SYMPK: variants seen among roughly 807,000 people sequenced by gnomAD.
SYMPK encodes the protein symplekin scaffold protein.
A neutral mutation model predicts 136.4 loss-of-function variants in SYMPK; 49 were observed. That is an observed-to-expected ratio of 0.36 (90% CI 0.29 to 0.46). SYMPK has a LOEUF of 0.46. SYMPK is among the 20% of genes least tolerant of loss of function. SYMPK has a pLI of 1.00. For synonymous variants in SYMPK, 766 were observed against 713.0 expected (o/e 1.07, Z -1.19); for missense variants, 1,365 against 1,690.0 (o/e 0.81, Z 3.37).
At chr19:45,857,126 A>C (rs562497884) in intron 1 of SYMPK, among the ~76,000 whole-genome samples, 1 of 151,616 alleles carries the variant, frequency 6.6e-6, no homozygotes, top group African/African-American at 2.4e-5. Flanking sequence ...AAACAAAACA[A>C]GGCTGGGTGC....
intron 18 of SYMPK, among the ~76,000 whole-genome samples, chr19:45,824,487 C>T (rs1182064810): frequency 1.3e-5 from 2 of 152,166 alleles, no homozygotes; most frequent in Non-Finnish European, 2.9e-5. Context: ...TGTTTCCTCC[C>T]AACTACAAGC....
chr19:45,849,857 C>T (rs983339095), intron 5 of SYMPK, among the ~76,000 whole-genome samples: 9 of 151,874 alleles, frequency 5.9e-5, no homozygotes, highest in Non-Finnish European at 1.0e-4. Flanking sequence ...ACCAGCTTGA[C>T]CAACGTGGTG....
At chr19:45,848,411 C>A (rs890352292) in intron 6 of SYMPK, among the ~76,000 whole-genome samples, 1 of 152,230 alleles carries the variant, frequency 6.6e-6, no homozygotes, top group African/African-American at 2.4e-5. Flanking sequence ...TAATTAAGGT[C>A]TACCTCCCTC....
intron 17 of SYMPK, among the ~76,000 whole-genome samples, 191 bp from the exon 18 acceptor site, chr19:45,825,522 C>T (rs1971021858): frequency 6.6e-6 from 1 of 152,152 alleles, no homozygotes; most frequent in African/African-American, 2.4e-5. Context: ...CCCGTGACTG[C>T]CAACACACAA....
rs1390469832 is a variant in SYMPK, at chr19:45,816,585, G to C, written c.3259-8C>G. 1 of 1,613,498 alleles carries C rather than the reference G, an allele frequency of 6.2e-7. No individual in the cohort carries two copies. Among genetic ancestry groups the C allele is most frequent in the Non-Finnish European group, 8.5e-7 (1 of 1,179,982 alleles). On this transcript the variant is annotated splice_polypyrimidine_tract_variant and splice_region_variant and intron_variant, in intron 24 of 26. Transcript: ENST00000245934. ...GTTAGGGATGTGAGCTTGCTGGGTG[G>C]AGAGCAGGAAGGGGGCGCTGGGGGC... is the stretch of plus-strand genomic sequence containing the variant.
At chr19:45,854,331 A>G (rs1434796648) in intron 2 of SYMPK, 60 bp downstream of exon 2, 1 of 1,606,468 alleles carries the variant, frequency 6.2e-7, no homozygotes, top group Non-Finnish European at 8.5e-7. Flanking sequence ...CCACCTAAAC[A>G]GGGATTGCCA....
chr19:45,841,296 C>T (rs943012349), intron 9 of SYMPK, among the ~76,000 whole-genome samples: 2 of 142,668 alleles, frequency 1.4e-5, no homozygotes, highest in African/African-American at 2.6e-5. Flanking sequence ...TCCCCCCCCA[C>T]CTTTTTTTTT....
rs1022319807 is a variant in SYMPK at position 45,831,504 on chromosome 19, A to G, written c.1478T>C (p.Leu493Pro). 2 of 1,610,290 alleles carry G rather than the reference A, an allele frequency of 1.2e-6. No individual in the cohort carries two copies. Among genetic ancestry groups the G allele is most frequent in the African/African-American group, 1.3e-5 (1 of 74,438 alleles). Residue 493 changes from leucine (L) to proline (P), a missense_variant, in exon 12 of 27, where the codon CTG (leucine) becomes CCG (proline). Around this residue, in one of 11 missense-constraint regions of SYMPK, gnomAD observed 46 missense variants for 63.9 expected, o/e 0.72. Transcript: ENST00000245934. ...KTESVLIKRR[L>P]SAQGQAISVV... is the part of the protein sequence containing the mutation. ...CGAGATGGCTTGGCCCTGGGCTGAC[A>G]GGCGCCGCTTGATCAGGACGCTCTC...
chr19:45,828,005 A>T, intron 14 of SYMPK, 87 bp from the exon 15 acceptor site: 2 of 1,210,382 alleles, frequency 1.7e-6, no homozygotes, highest in Non-Finnish European at 2.4e-6. Context: ...GCTCAGGGCC[A>T]GCAGGCCCTC....
chr19:45,846,093 G>A (rs995451784), intron 7 of SYMPK, among the ~76,000 whole-genome samples: 34 of 152,134 alleles, frequency 2.2e-4, no homozygotes, highest in Non-Finnish European at 4.0e-4. Context: ...AAAATTAGCC[G>A]GGCGTGGTGG....
At chr19:45,820,729 G>GATT (rs1970869025) in intron 22 of SYMPK, 1 of 165,068 alleles carries the variant, frequency 6.1e-6, no homozygotes, top group African/African-American at 2.4e-5. Context: ...TTTCACTTCA[G>GATT]ATTCTGTTTC....
Position 45,854,419 on chromosome 19 carries a change from C to A in SYMPK, c.77G>T (p.Gly26Val). The change falls in exon 2 of 27, where the codon GGC (glycine) becomes GTC (valine). Residue 26 changes from glycine (G) to valine (V), a missense_variant. By Grantham distance (109) the Gly-to-Val change is moderately radical. This residue lies in a region of SYMPK where 61 missense variants were observed against 80.7 expected (regional missense o/e 0.76). Transcript: ENST00000245934. ...CTCTGAGGTGGTCATGCCATCGATG[C>A]CCGGCCCCTCCTCTTGAGTGAAAAA... The part of the protein sequence containing the change: ...SQFFTQEEGP[G>V]IDGMTTSERV... The A allele has an allele frequency of 6.2e-7, 1 of 1,614,152 alleles. No individual in the cohort carries two copies. Among genetic ancestry groups the A allele is most frequent in the Non-Finnish European group, 8.5e-7 (1 of 1,180,022 alleles).
chr19:45,852,215 G>A, intron 5 of SYMPK, 97 bp downstream of exon 5: 2 of 1,249,744 alleles, frequency 1.6e-6, no homozygotes, highest in South Asian at 1.2e-5. Context: ...CTGGGAAGCA[G>A]AGGGCAGGCC....
chr19:45,844,532 A>C (rs1971515502), intron 7 of SYMPK, among the ~76,000 whole-genome samples: 1 of 152,064 alleles, frequency 6.6e-6, no homozygotes, highest in Admixed American at 6.6e-5. Flanking sequence ...AAATTAGCCC[A>C]GGTGTGAAGG....
intron 10 of SYMPK, among the ~76,000 whole-genome samples, chr19:45,836,489 G>C (rs994462714): frequency 1.3e-5 from 2 of 151,602 alleles, no homozygotes; most frequent in Non-Finnish European, 2.9e-5. Context: ...AACTTAGCTG[G>C]GCGTGGTGGC....
At chr19:45,834,978 G>C in intron 11 of SYMPK, 100 bp downstream of exon 11, 2 of 1,195,304 alleles carry the variant, frequency 1.7e-6, no homozygotes, top group South Asian at 3.7e-5. Context: ...GCTCCCACAT[G>C]ATTTTCAACT....
At chr19:45,823,196 C>T (rs1169032963) in intron 20 of SYMPK, among the ~76,000 whole-genome samples, 176 bp downstream of exon 20, 2 of 152,190 alleles carry the variant, frequency 1.3e-5, no homozygotes, top group African/African-American at 4.8e-5. Flanking sequence ...AGCTGCTCCG[C>T]ATTTCCAGGG....
chr19:45,831,534 T>A lies in SYMPK; in HGVS notation c.1448A>T (p.Lys483Met), dbSNP rs1249396944. 1.2e-6 allele frequency: 2 copies of A among 1,611,246 alleles called. No individual in the cohort carries two copies. Among genetic ancestry groups the A allele is most frequent in the Non-Finnish European group, 1.7e-6 (2 of 1,179,068 alleles). The part of the protein sequence containing the change: ...KEEPKEEKVV[K>M]TESVLIKRRL... ...CCGCTTGATCAGGACGCTCTCTGTC[T>A]TCACCACCTTCTCCTCCTTGGGCTC... Residue 483 changes from lysine to methionine, a missense_variant, in exon 12 of 27, where the codon AAG becomes ATG. Around this residue, in one of 11 missense-constraint regions of SYMPK, gnomAD observed 46 missense variants for 63.9 expected, o/e 0.72. Transcript: ENST00000245934.
chr19:45,836,305 T>C (rs1379327443), intron 10 of SYMPK, among the ~76,000 whole-genome samples: 2 of 151,886 alleles, frequency 1.3e-5, no homozygotes, highest in Non-Finnish European at 2.9e-5. Flanking sequence ...TGGAAAAGGA[T>C]AATTTCAAAC....
Sources: allele counts gnomAD v4.1 joint callset (sites outside exome capture counted in the v4.1 genomes callset), GRCh38; gene constraint gnomAD v4.1.1; regional missense constraint gnomAD v4.1.1; transcripts MANE v1.5; gene names NCBI Gene and HGNC (gene_info 2026-07-23, HGNC 2026-07-21).